The following DNAH5 variants were observed in gnomAD, a reference collection of about 807,000 sequenced individuals.
DNAH5 encodes the protein dynein axonemal heavy chain 5, also known as axonemal beta dynein heavy chain 5.
In DNAH5, 372 loss-of-function variants were observed where a neutral mutation model predicts 518.2. The ratio of observed to expected loss-of-function variants is 0.72; its 90% CI spans 0.66 to 0.78. The LOEUF (loss-of-function observed/expected upper bound fraction) is 0.78. Among genes scored for constraint, DNAH5 ranks in the 30% least tolerant of loss-of-function variants. The pLI, the probability that DNAH5 is intolerant of heterozygous loss-of-function variation, is 0.00. For missense variants in DNAH5, 5,523 were observed against 5,687.0 expected (o/e 0.97, Z 0.93); for synonymous variants, 2,039 against 2,025.9 (o/e 1.01, Z -0.17).
intron 65 of DNAH5, among the ~76,000 whole-genome samples, chr5:13,738,444 G>T (rs1051835323): frequency 2.0e-5 from 3 of 152,176 alleles, no homozygotes; most frequent in African/African-American, 7.2e-5. Flanking sequence ...GCAAGCAACT[G>T]AGCTGCAACT....
At chr5:13,885,628 C>T (rs1194519865) in intron 18 of DNAH5, among the ~76,000 whole-genome samples, 3 of 152,182 alleles carry the variant, frequency 2.0e-5, no homozygotes, top group African/African-American at 7.2e-5. Flanking sequence ...AAGGTGCGCT[C>T]AGTCTAGAGG....
chr5:13,864,355 A>G, intron 28 of DNAH5, 42 bp downstream of exon 28: 1 of 1,611,252 alleles, frequency 6.2e-7, no homozygotes, highest in Non-Finnish European at 8.5e-7. Flanking sequence ...TATCAAATAA[A>G]TCCCATGAGA....
At position 13,859,581 on chromosome 5, in the gene DNAH5, C is replaced by A. The variant is rs773599958; in HGVS notation, c.4821G>T (p.Gln1607His). 191 of 1,613,958 alleles carry A rather than the reference C, an allele frequency of 1.2e-4. 2 individuals carry two copies. The highest frequency in any genetic ancestry group is 1.7e-4 in the Admixed American group (10 of 59,990). Residue 1607 changes from glutamine to histidine, a missense_variant, in exon 30 of 79, where the codon CAG becomes CAT. This residue lies in a region of DNAH5 where 5,121 missense variants were observed against 5,223.3 expected (regional missense o/e 0.98). Transcript: ENST00000265104. ...AAAGGTACTGCACCCATTTTTGAAT[C>A]TGGGCTTTGAATGGCATATTGTACC... is the stretch of plus-strand genomic sequence containing the variant. Reference protein sequence around the residue: ...SNRYNMPFKAQIQKWVQYLSN... With the variant: ...SNRYNMPFKAHIQKWVQYLSN...
chr5:13,775,328 C>T (rs1393563364), intron 55 of DNAH5, among the ~76,000 whole-genome samples: 8 of 151,718 alleles, frequency 5.3e-5, no homozygotes, highest in African/African-American at 1.7e-4. Context: ...AATAGTGAAG[C>T]GCTGAGAATA....
At chr5:13,771,189 A>C in intron 55 of DNAH5, 1 of 567,208 alleles carries the variant, frequency 1.8e-6, no homozygotes, top group Non-Finnish European at 3.1e-6. Flanking sequence ...CTATAAAAAC[A>C]CTTTAAGCCT....
chr5:13,736,463 C>T (rs1169707133), intron 66 of DNAH5, among the ~76,000 whole-genome samples: 3 of 152,090 alleles, frequency 2.0e-5, no homozygotes, highest in Non-Finnish European at 2.9e-5. Context: ...GGCGTGATCT[C>T]GGCTCACTGC....
At chr5:13,983,663 T>C (rs913277425) in intron 1 of DNAH5, among the ~76,000 whole-genome samples, 1 of 152,170 alleles carries the variant, frequency 6.6e-6, no homozygotes, top group Non-Finnish European at 1.5e-5. Flanking sequence ...GCTATGGGAA[T>C]GAGCAGAGCC....
At chr5:13,738,415 C>G (rs1561145329) in intron 65 of DNAH5, among the ~76,000 whole-genome samples, 1 of 152,168 alleles carries the variant, frequency 6.6e-6, no homozygotes, top group Non-Finnish European at 1.5e-5. Flanking sequence ...CTGTGAAAAA[C>G]TACTCTCCGA....
chr5:13,784,058 A>G (rs1314724556), intron 52 of DNAH5, among the ~76,000 whole-genome samples: 1 of 152,148 alleles, frequency 6.6e-6, no homozygotes, highest in African/African-American at 2.4e-5. Flanking sequence ...TGTTTCAAGA[A>G]AGCCTCCTCA....
intron 50 of DNAH5, among the ~76,000 whole-genome samples, chr5:13,789,892 C>T (rs966377462): frequency 3.3e-5 from 5 of 152,152 alleles, no homozygotes; most frequent in African/African-American, 1.2e-4. Context: ...CCCAAAATAT[C>T]ATTAACAGAC....
At chr5:13,762,947 A>G in intron 59 of DNAH5, 46 bp from the exon 60 acceptor site, 1 of 1,517,020 alleles carries the variant, frequency 6.6e-7, no homozygotes, top group Admixed American at 1.7e-5. Flanking sequence ...TTCTTTCCAT[A>G]AAGTCATACT....
chr5:13,832,233 T>C (rs1348694188), intron 35 of DNAH5, among the ~76,000 whole-genome samples: 5 of 152,256 alleles, frequency 3.3e-5, no homozygotes, highest in African/African-American at 4.8e-5. Context: ...GCTGCTGTGT[T>C]ATGCAGACCC....
At chr5:13,830,938 T>G (rs1431289514) in intron 35 of DNAH5, among the ~76,000 whole-genome samples, 163 bp from the exon 36 acceptor site, 1 of 152,180 alleles carries the variant, frequency 6.6e-6, no homozygotes, top group African/African-American at 2.4e-5. Context: ...TCCTTATCAA[T>G]GTTAACATAT....
Position 13,999,087 on chromosome 5 carries a change from G to T in DNAH5, c.12+12561C>A, listed in dbSNP as rs373481652. On this transcript the variant is annotated intron_variant, in intron 1 of 78. Coordinates refer to the DNAH5 transcript ENST00000681290. Reference sequence around the variant, plus strand: ...GGGTTTAGTAATGTTGGCCAGACTGGTCTCAAGCTCCTGACCTTAAGTGAT... The same window carrying T: ...GGGTTTAGTAATGTTGGCCAGACTGTTCTCAAGCTCCTGACCTTAAGTGAT... 1.1e-4 allele frequency among the ~76,000 whole-genome samples: 16 copies of T among 152,340 alleles called. 1 individual carries two copies. The South Asian group carries it at 3.3e-3, about 32-fold the overall frequency.
At chr5:13,848,389 G>C (rs1473731497) in intron 31 of DNAH5, among the ~76,000 whole-genome samples, 1 of 152,182 alleles carries the variant, frequency 6.6e-6, no homozygotes, top group African/African-American at 2.4e-5. Context: ...TGCCACCAGG[G>C]ACCAATTTCA....
intron 1 of DNAH5, among the ~76,000 whole-genome samples, chr5:13,989,459 G>T (rs1294658695): frequency 3.3e-5 from 5 of 149,302 alleles, no homozygotes; most frequent in Non-Finnish European, 7.4e-5. Context: ...AATAAATAAC[G>T]TGTGCATACA....
At position 13,735,811 on chromosome 5, in the gene DNAH5, G is replaced by C. The variant is rs1747318374; in HGVS notation, c.11570+7C>G. On this transcript the variant is annotated splice_region_variant and intron_variant, in intron 67 of 78. Coordinates refer to ENST00000265104, the MANE Select transcript of DNAH5 (RefSeq NM_001369.3). ...AATTCAGCTTGGCTTCCCGCGTACA[G>C]ACGTACCTGGCTAAGGAAAGGTCAA... The C allele has an allele frequency of 6.2e-7, 1 of 1,610,240 alleles. No individual in the cohort carries two copies. The highest frequency in any genetic ancestry group is 1.3e-5 in the African/African-American group (1 of 74,832).
At chr5:13,902,185 A>T in intron 12 of DNAH5, 47 bp from the exon 13 acceptor site, 2 of 1,364,238 alleles carry the variant, frequency 1.5e-6, no homozygotes, top group Non-Finnish European at 2.1e-6. Context: ...TTGGGAATTT[A>T]CTGTTTAGCA....
At position 13,890,960 on chromosome 5, in the gene DNAH5, T is replaced by C. The variant is rs753395893; in HGVS notation, c.2577+16A>G. The C allele has an allele frequency of 2.5e-6, 4 of 1,613,722 alleles. No homozygotes were observed. The highest frequency in any genetic ancestry group is 2.5e-6 in the Non-Finnish European group (3 of 1,179,866). ...CACCAAAAACCTTAAACAAAAAAAA[T>C]CAAGGTTTTAATGACCTTTGTCATT... On this transcript the variant is annotated intron_variant, in intron 17 of 78. Coordinates refer to ENST00000265104, the MANE Select transcript of DNAH5 (RefSeq NM_001369.3).
Sources: allele counts gnomAD v4.1 joint callset (sites outside exome capture counted in the v4.1 genomes callset), GRCh38; gene constraint gnomAD v4.1.1; regional missense constraint gnomAD v4.1.1; transcripts MANE v1.5; gene names NCBI Gene and HGNC (gene_info 2026-07-23, HGNC 2026-07-21).